Variants in U2AF1L4 observed in about 807,000 individuals in gnomAD.
U2AF1L4 encodes U2 small nuclear RNA auxiliary factor 1 like 4, also known as splicing factor U2AF 26 kDa subunit.
In U2AF1L4, 21 loss-of-function variants were observed where a neutral mutation model predicts 21.7. The observed-to-expected ratio is 0.97, with a 90% confidence interval of 0.69 to 1.39. The LOEUF (loss-of-function observed/expected upper bound fraction) is 1.39, where lower values mean the gene tolerates loss of function less well. Among genes scored for constraint, U2AF1L4 ranks in the 40% most tolerant of loss-of-function variants. U2AF1L4 has a pLI of 0.00. For missense variants in U2AF1L4, 259 were observed against 245.7 expected, an observed-to-expected ratio of 1.05 and a Z score of -0.36; for synonymous variants, 92 against 89.7, an observed-to-expected ratio of 1.03 and a Z score of -0.15.
At position 35,745,405 on chromosome 19, in the gene U2AF1L4, C is replaced by A. The variant is rs745338518; in HGVS notation, c.-14G>T. ...ATATTCAGCCATTTTTACCCAAGCC[C>A]TCCAGGTCTGGCTGCTCTTACGTCA... On this transcript the variant is annotated 5_prime_UTR_variant, in exon 1 of 6. It adds an upstream start codon to the 5' untranslated region. Coordinates refer to ENST00000378975, the MANE Select transcript of U2AF1L4 (RefSeq NM_001040425.3). The A allele has an allele frequency of 3.7e-6, 6 of 1,614,202 alleles. No homozygotes were observed. Among genetic ancestry groups the A allele is most frequent in the Admixed American group, 1.7e-5 (1 of 60,028 alleles).
chr19:35,744,449 G>T, intron 2 of U2AF1L4, 28 bp from the exon 3 acceptor site: 2 of 1,613,940 alleles, frequency 1.2e-6, no homozygotes, highest in South Asian at 2.2e-5. Context: ...GAACTCAGCT[G>T]AGCTCCCACA....
At position 35,742,680 on chromosome 19, in the gene U2AF1L4, C is replaced by T; in HGVS notation, c.*39G>A. 1 of 1,612,798 alleles carries T rather than the reference C, an allele frequency of 6.2e-7. No individual in the cohort carries two copies. Among genetic ancestry groups the T allele is most frequent in the Non-Finnish European group, 8.5e-7 (1 of 1,179,750 alleles). On this transcript the variant is annotated 3_prime_UTR_variant, in exon 6 of 6. Coordinates refer to ENST00000378975, the MANE Select transcript of U2AF1L4 (RefSeq NM_001040425.3). ...TGAGGAGAGGTCCTGCCAGGAACATCTGTCCCTGTTGGGGGTGAAGGGTAA... is the reference window on the plus strand; with the variant it reads ...TGAGGAGAGGTCCTGCCAGGAACATTTGTCCCTGTTGGGGGTGAAGGGTAA...
exon 1 of U2AF1L4, chr19:35,745,404 CCTCCAGGTCTGGCTG>C: frequency 2.5e-6 from 4 of 1,614,182 alleles, no homozygotes; most frequent in Non-Finnish European, 3.4e-6. Context: ...TTACCCAAGC[CCTCCAGGTCTGGCTG>C]CTCTTACGTC....
At chr19:35,743,686 C>CAAA (rs36076889) in intron 5 of U2AF1L4, 123 bp downstream of exon 5, 1,293 of 493,056 alleles carry the variant, frequency 2.6e-3, no homozygotes, top group South Asian at 5.9e-3. Flanking sequence ...GGCTCCATCT[C>CAAA]AAAAAAAAAA....
chr19:35,744,284 G>A lies in U2AF1L4; in HGVS notation c.231+39C>T, dbSNP rs768609622. On this transcript the variant is annotated intron_variant, in intron 3 of 5. Coordinates refer to ENST00000378975, the MANE Select transcript of U2AF1L4 (RefSeq NM_001040425.3). ...AGTGGCCACCATCAGGCATTGAAACGCCTCCACTTCTGGGCCCTAAGTGGG... is the reference window on the plus strand; with the variant it reads ...AGTGGCCACCATCAGGCATTGAAACACCTCCACTTCTGGGCCCTAAGTGGG... The A allele has an allele frequency of 4.3e-6, 7 of 1,610,900 alleles. No homozygotes were observed. In the African/African-American group the frequency reaches 8.0e-5, roughly 18 times the overall value.
intron 2 of U2AF1L4, 98 bp downstream of exon 2, chr19:35,745,027 A>T (rs2293686): frequency 4.1e-6 from 5 of 1,211,740 alleles, no homozygotes; most frequent in Admixed American, 2.1e-5. Flanking sequence ...GTGGGGAGGG[A>T]CTCAGGAACC....
rs370791126 is a variant in U2AF1L4 at position 35,744,319 on chromosome 19, G to A, written c.231+4C>T. 1.2e-4 allele frequency: 200 copies of A among 1,614,052 alleles called. No individual in the cohort carries two copies. The highest frequency in any genetic ancestry group is 4.6e-4 in the South Asian group (42 of 91,088). On this transcript the variant is annotated splice_donor_region_variant and intron_variant, in intron 3 of 5. Transcript: ENST00000378975. ...CTGGGCCCTAAGTGGGGGGCAGCAAGCACCTTGACATAGACGTTGCCCACG... is the reference window on the plus strand; with the variant it reads ...CTGGGCCCTAAGTGGGGGGCAGCAAACACCTTGACATAGACGTTGCCCACG...
intron 2 of U2AF1L4, 199 bp downstream of exon 2, chr19:35,744,926 G>A (rs1970496465): frequency 5.7e-6 from 4 of 699,942 alleles, no homozygotes; most frequent in Non-Finnish European, 9.4e-6. Context: ...TAGCCTGTAC[G>A]CATGGGGGCG....
Position 35,743,139 on chromosome 19 carries a change from G to A in U2AF1L4, c.462-336C>T, listed in dbSNP as rs1038959603. 13 of 351,146 alleles carry A rather than the reference G, an allele frequency of 3.7e-5. No individual in the cohort carries two copies. The Admixed American group carries it at 5.3e-4, about 14-fold the overall frequency. The allele number at this position is 351,146 out of a possible 1,614,324, so 21.8% of individuals were successfully genotyped here. ...TGTAATCCCCACACTTTGGGAGGCC[G>A]AGATGGGTGGATTACCTGAGGTCCG... On this transcript the variant is annotated intron_variant, in intron 5 of 5. Transcript: ENST00000378975.
At position 35,744,404 on chromosome 19, in the gene U2AF1L4, CA is replaced by C; in HGVS notation, c.149del (p.Leu50ArgfsTer11). On this transcript the variant is annotated frameshift_variant, in exon 3 of 6. Transcript: ENST00000378975. LOFTEE classifies it high-confidence loss of function. ...PTFSQEVFTE[L>X]QEKYGEIEEM... ...CTTCAATCTCCCCATACTTCTCCTG[CA>C]GTTCTGTGAACACCTCCTGTGGAAG... 6.2e-7 allele frequency: 1 copy of C among 1,614,204 alleles called. No homozygotes were observed. Among genetic ancestry groups the C allele is most frequent in the Non-Finnish European group, 8.5e-7 (1 of 1,180,042 alleles).
intron 2 of U2AF1L4, chr19:35,744,908 G>T: frequency 1.4e-6 from 1 of 704,532 alleles, no homozygotes; most frequent in South Asian, 1.8e-5. Context: ...ATGAACAGCC[G>T]CCGTGTGTAG....
chr19:35,745,167 C>G lies in U2AF1L4; in HGVS notation c.90G>C (p.Gly30=). The part of the protein sequence containing the change: ...FYFKIGVCRH[G]DRCSRLHNKP... ...TGTTGTGAAGCCGGGAGCACCGGTCCCCGTGCCGGCAGACCCCGATCTTAA... is the reference window on the plus strand; with the variant it reads ...TGTTGTGAAGCCGGGAGCACCGGTCGCCGTGCCGGCAGACCCCGATCTTAA... Residue 30 remains glycine, a synonymous_variant, in exon 2 of 6, where the codon GGG becomes GGC. Transcript: ENST00000378975. 1 of 1,613,632 alleles carries G rather than the reference C, an allele frequency of 6.2e-7. No homozygotes were observed. The highest frequency in any genetic ancestry group is 8.5e-7 in the Non-Finnish European group (1 of 1,179,980).
At chr19:35,744,168 TCAG>T in intron 3 of U2AF1L4, 23 bp from the exon 4 acceptor site, 1 of 1,612,110 alleles carries the variant, frequency 6.2e-7, no homozygotes, top group Non-Finnish European at 8.5e-7. Flanking sequence ...TCAGTCAGGG[TCAG>T]CAGGAGAACT....
At chr19:35,744,967 A>G (rs1374784104) in intron 2 of U2AF1L4, 158 bp downstream of exon 2, 5 of 781,050 alleles carry the variant, frequency 6.4e-6, no homozygotes, top group Non-Finnish European at 1.0e-5. Flanking sequence ...CGGCACGAAG[A>G]CCGGTGGGAG....
chr19:35,743,426 C>T (rs1970377595), intron 5 of U2AF1L4: 1 of 244,700 alleles, frequency 4.1e-6, no homozygotes, highest in African/African-American at 2.5e-5. Flanking sequence ...AGTGGTGGCT[C>T]ACGCCTGTAA....
chr19:35,744,436 G>T lies in U2AF1L4; in HGVS notation c.133-15C>A, dbSNP rs762392941. On this transcript the variant is annotated splice_polypyrimidine_tract_variant and intron_variant, in intron 2 of 5. Coordinates refer to ENST00000378975, the MANE Select transcript of U2AF1L4 (RefSeq NM_001040425.3). Reference sequence around the variant, plus strand: ...GTGAACACCTCCTGTGGAAGACGGGGAGGAACTCAGCTGAGCTCCCACAAG... The same window carrying T: ...GTGAACACCTCCTGTGGAAGACGGGTAGGAACTCAGCTGAGCTCCCACAAG... 1 of 1,614,018 alleles carries T rather than the reference G, an allele frequency of 6.2e-7. No individual in the cohort carries two copies. The highest frequency in any genetic ancestry group is 1.3e-5 in the African/African-American group (1 of 75,030).
At chr19:35,743,336 G>A in intron 5 of U2AF1L4, 1 of 215,636 alleles carries the variant, frequency 4.6e-6, no homozygotes, top group South Asian at 3.9e-5. Context: ...CTGCGCCTTT[G>A]CACTCCAGCC....
At chr19:35,744,730 A>G in intron 2 of U2AF1L4, 1 of 1,535,782 alleles carries the variant, frequency 6.5e-7, no homozygotes, top group Non-Finnish European at 8.7e-7. Flanking sequence ...CTGAGCTCAG[A>G]GGGCAGGGCT....
In U2AF1L4 at chr19:35,742,711, C is replaced by T; in HGVS notation, c.*8G>A. ...CTGTTGGGGGTGAAGGGTAAGGGGG[C>T]CAGGGCCTCAGAAGCGGCCATGCCA... On this transcript the variant is annotated 3_prime_UTR_variant, in exon 6 of 6. Coordinates refer to ENST00000378975, the MANE Select transcript of U2AF1L4 (RefSeq NM_001040425.3). 1 of 1,610,656 alleles carries T rather than the reference C, an allele frequency of 6.2e-7. No homozygotes were observed. Among genetic ancestry groups the T allele is most frequent in the Non-Finnish European group, 8.5e-7 (1 of 1,179,300 alleles).
Sources: allele counts gnomAD v4.1 joint callset, GRCh38; gene constraint gnomAD v4.1.1; transcripts MANE v1.5; gene names NCBI Gene and HGNC (gene_info 2026-07-23, HGNC 2026-07-21).